The following ZNF280D variants were observed in gnomAD, a reference collection of about 807,000 sequenced individuals.
The protein encoded by ZNF280D is zinc finger protein 280D.
Under a neutral mutation model 94.7 loss-of-function variants are expected in ZNF280D, and 39 were observed. The ratio of observed to expected loss-of-function variants is 0.41; its 90% CI spans 0.32 to 0.54. ZNF280D has a LOEUF of 0.54. ZNF280D is among the 20% of genes least tolerant of loss of function. The pLI is 0.22. For synonymous variants in ZNF280D, 398 were observed against 377.6 expected, an observed-to-expected ratio of 1.05 and a Z score of -0.63; for missense variants, 1,090 against 1,149.3, an observed-to-expected ratio of 0.95 and a Z score of 0.75.
intron 1 of ZNF280D, among the ~76,000 whole-genome samples, chr15:56,724,490 T>C (rs749323372): frequency 1.3e-5 from 2 of 152,084 alleles, no homozygotes; most frequent in African/African-American, 2.4e-5. Flanking sequence ...ATAGCCCAAA[T>C]AGAAGAGAAC....
chr15:56,672,357 A>C (rs776751302), intron 13 of ZNF280D, among the ~76,000 whole-genome samples: 1 of 152,084 alleles, frequency 6.6e-6, no homozygotes, highest in Non-Finnish European at 1.5e-5. Flanking sequence ...ATGTTCCCTC[A>C]GTACCTAGTT....
intron 1 of ZNF280D, among the ~76,000 whole-genome samples, chr15:56,716,412 G>A (rs1346889093): frequency 2.0e-5 from 3 of 151,666 alleles, no homozygotes; most frequent in African/African-American, 4.8e-5. Flanking sequence ...AGAAGGAAGG[G>A]AGGATTCCAT....
chr15:56,631,666 G>A lies in ZNF280D; in HGVS notation c.2772C>T (p.Ser924=), dbSNP rs766589156. The A allele has an allele frequency of 5.6e-6, 9 of 1,614,042 alleles. No individual in the cohort carries two copies. The highest frequency in any genetic ancestry group is 2.7e-5 in the African/African-American group (2 of 75,002). The change falls in exon 22 of 22, where the codon TCC becomes TCT. Residue 924 remains serine (S), a synonymous_variant. Coordinates refer to ENST00000267807, the MANE Select transcript of ZNF280D (RefSeq NM_017661.4). ...GSIHLEPLTP[S]EVLEYEATEI... ...CTGTGGCTTCATACTCAAGTACCTCGGATGGAGTCAGAGGTTCCAAATGAA... is the reference window on the plus strand; with the variant it reads ...CTGTGGCTTCATACTCAAGTACCTCAGATGGAGTCAGAGGTTCCAAATGAA...
chr15:56,646,070 A>G (rs1345509228), intron 19 of ZNF280D, among the ~76,000 whole-genome samples: 2 of 152,184 alleles, frequency 1.3e-5, no homozygotes, highest in Non-Finnish European at 2.9e-5. Flanking sequence ...TTGTAAGCAT[A>G]CTAAAAAAGT....
chr15:56,686,927 T>C (rs949254233), intron 9 of ZNF280D, among the ~76,000 whole-genome samples: 84 of 152,266 alleles, frequency 5.5e-4, no homozygotes, highest in African/African-American at 2.0e-3. Context: ...TATATTTTTC[T>C]AATTATTGTA....
chr15:56,637,342 T>A (rs1596320928), intron 20 of ZNF280D, among the ~76,000 whole-genome samples: 1 of 51,328 alleles, frequency 1.9e-5, no homozygotes, highest in Non-Finnish European at 4.5e-5. Context: ...GACTGGCTAG[T>A]TAAAAACATT....
intron 19 of ZNF280D, 63 bp from the exon 20 acceptor site, chr15:56,643,060 GTTCT>G (rs1272046683): frequency 6.6e-5 from 71 of 1,079,282 alleles, no homozygotes; most frequent in Middle Eastern, 2.2e-4. Flanking sequence ...ATATGAAACA[GTTCT>G]TTCTCTGCCA....
intron 20 of ZNF280D, among the ~76,000 whole-genome samples, chr15:56,639,374 A>G (rs947035626): frequency 1.3e-5 from 2 of 151,994 alleles, no homozygotes; most frequent in African/African-American, 4.8e-5. Flanking sequence ...AGGAGAACAC[A>G]GAAAATAAAA....
At chr15:56,705,540 A>G (rs1268938648) in intron 3 of ZNF280D, among the ~76,000 whole-genome samples, 2 of 152,214 alleles carry the variant, frequency 1.3e-5, no homozygotes, top group Admixed American at 1.3e-4. Flanking sequence ...CACAAGTATG[A>G]TATCTACCTA....
At chr15:56,653,532 C>A in intron 19 of ZNF280D, 1 of 1,522,362 alleles carries the variant, frequency 6.6e-7, no homozygotes, top group South Asian at 1.2e-5. Flanking sequence ...TCAGTTGTGT[C>A]CATCGAAGGG....
chr15:56,730,948 G>T (rs909861135), intron 1 of ZNF280D, among the ~76,000 whole-genome samples: 7 of 152,184 alleles, frequency 4.6e-5, no homozygotes, highest in African/African-American at 1.7e-4. Context: ...TTATCTAAGA[G>T]ATCAAATTTA....
chr15:56,655,428 G>C (rs1366418183), intron 17 of ZNF280D, among the ~76,000 whole-genome samples: 2 of 97,526 alleles, frequency 2.1e-5, no homozygotes, highest in Non-Finnish European at 4.1e-5. Flanking sequence ...GGCTGGTCTC[G>C]AACTCCTGAC....
In ZNF280D at chr15:56,669,405, G is replaced by A. The variant is rs2054520229; in HGVS notation, c.1411-448C>T. On this transcript the variant is annotated intron_variant, in intron 13 of 21. Coordinates refer to ENST00000267807, the MANE Select transcript of ZNF280D (RefSeq NM_017661.4). ...AAATCTAACCAGACATTTCAAAGAA[G>A]GTTATTTTATAGAAGTGGTTACATA... Among the ~76,000 whole-genome samples the A allele has an allele frequency of 5.3e-5, 8 of 151,914 alleles. No individual in the cohort carries two copies. The South Asian group carries it at 1.7e-3, about 31-fold the overall frequency.
At chr15:56,719,764 C>G (rs185054880) in intron 1 of ZNF280D, among the ~76,000 whole-genome samples, 1 of 151,572 alleles carries the variant, frequency 6.6e-6, no homozygotes, top group Non-Finnish European at 1.5e-5. Context: ...GCAAGTCACA[C>G]GCATTGTTTG....
chr15:56,679,170 A>C (rs1188092991), intron 10 of ZNF280D, among the ~76,000 whole-genome samples: 1 of 152,138 alleles, frequency 6.6e-6, no homozygotes, highest in Non-Finnish European at 1.5e-5. Flanking sequence ...TTTTAAAATT[A>C]AATACTAAAA....
Position 56,704,171 on chromosome 15 carries a change from T to C in ZNF280D, c.125A>G (p.Asp42Gly). 2.5e-6 allele frequency: 4 copies of C among 1,613,896 alleles called. No homozygotes were observed. Among genetic ancestry groups the C allele is most frequent in the Non-Finnish European group, 3.4e-6 (4 of 1,179,938 alleles). ...TATCTCGCCAACAAAGATTGGCTCA[T>C]CATCATCGTCATCCTCAACTTCTTT... Reference protein sequence around the residue: ...KVKEVEDDDDDEPIFVGEISS... With the variant: ...KVKEVEDDDDGEPIFVGEISS... The change falls in exon 4 of 22, where the codon GAT (aspartate) becomes GGT (glycine). Residue 42 changes from aspartate (D) to glycine (G), a missense_variant. Physicochemically the swap from Asp to Gly is moderately conservative, Grantham distance 94 (BLOSUM62 -1). Around this residue, in one of 3 missense-constraint regions of ZNF280D, gnomAD observed 386 missense variants for 372.0 expected, o/e 1.04. Coordinates refer to ENST00000267807, the MANE Select transcript of ZNF280D (RefSeq NM_017661.4).
intron 20 of ZNF280D, among the ~76,000 whole-genome samples, chr15:56,637,667 A>T (rs2052421847): frequency 6.6e-6 from 1 of 152,186 alleles, no homozygotes; most frequent in Non-Finnish European, 1.5e-5. Flanking sequence ...GGACACCTGG[A>T]GAATCCAAGC....
At chr15:56,715,419 G>C (rs1485392603) in intron 1 of ZNF280D, among the ~76,000 whole-genome samples, 1 of 152,094 alleles carries the variant, frequency 6.6e-6, no homozygotes, top group Non-Finnish European at 1.5e-5. Context: ...TGCAACAGAT[G>C]ATAGTGATTG....
chr15:56,650,663 T>C (rs1434669510), intron 19 of ZNF280D, among the ~76,000 whole-genome samples: 3 of 152,190 alleles, frequency 2.0e-5, no homozygotes, highest in Non-Finnish European at 4.4e-5. Flanking sequence ...TTACCACAGA[T>C]TCTTACACTC....
Sources: allele counts gnomAD v4.1 joint callset (sites outside exome capture counted in the v4.1 genomes callset), GRCh38; gene constraint gnomAD v4.1.1; regional missense constraint gnomAD v4.1.1; transcripts MANE v1.5; gene names NCBI Gene and HGNC (gene_info 2026-07-23, HGNC 2026-07-21).